CDH20: variants seen among roughly 807,000 people sequenced by gnomAD.
The protein encoded by CDH20 is cadherin-20.
A neutral mutation model predicts 74.2 loss-of-function variants in CDH20; 29 were observed. That is an observed-to-expected ratio of 0.39 (90% CI 0.29 to 0.53). The LOEUF is 0.53. Ranked by LOEUF, CDH20 falls within the 20% of genes least tolerant of loss-of-function variation. The pLI is 0.69. For synonymous variants in CDH20, 469 were observed against 405.4 expected, an observed-to-expected ratio of 1.16 and a Z score of -1.88; for missense variants, 988 against 1,048.3, an observed-to-expected ratio of 0.94 and a Z score of 0.79.
chr18:61,443,496 C>A (rs146764945), intron 1 of CDH20, among the ~76,000 whole-genome samples: 2 of 152,116 alleles, frequency 1.3e-5, no homozygotes, highest in African/African-American at 4.8e-5. Flanking sequence ...AGGCTGGATG[C>A]AGCCACATGG....
At chr18:61,543,507 A>G (rs1023007531) in intron 9 of CDH20, among the ~76,000 whole-genome samples, 10 of 89,298 alleles carry the variant, frequency 1.1e-4, no homozygotes, top group African/African-American at 3.7e-4. Flanking sequence ...TTTCTTTAAT[A>G]GCTTTTACAT....
At chr18:61,535,959 A>G (rs1212237572) in intron 7 of CDH20, among the ~76,000 whole-genome samples, 3 of 152,142 alleles carry the variant, frequency 2.0e-5, no homozygotes, top group Admixed American at 6.5e-5. Context: ...TAGCAAATAC[A>G]TTACCATTAT....
At chr18:61,453,481 A>C (rs568784791) in intron 1 of CDH20, among the ~76,000 whole-genome samples, 61 of 152,192 alleles carry the variant, frequency 4.0e-4, no homozygotes, top group South Asian at 1.7e-3. Flanking sequence ...GGGTTTCACC[A>C]TGTTGACCAG....
At chr18:61,482,710 G>T (rs1450401029) in intron 1 of CDH20, among the ~76,000 whole-genome samples, 1 of 141,136 alleles carries the variant, frequency 7.1e-6, no homozygotes, top group Non-Finnish European at 1.5e-5. Flanking sequence ...GCCCAGGCTG[G>T]TCTTCAACTC....
chr18:61,555,007 A>T lies in CDH20; in HGVS notation c.*312A>T. 1 of 1,193,314 alleles carries T rather than the reference A, an allele frequency of 8.4e-7. No homozygotes were observed. Among genetic ancestry groups the T allele is most frequent in the Non-Finnish European group, 1.0e-6 (1 of 958,996 alleles). 73.9% of individuals were successfully genotyped at this position (1,193,314 alleles called of 1,614,324 possible). ...GGGTGGCTTTTCTCTGCCATTCGCTAAGGCCTTTGTCACTTTTCCACCACA... is the reference window on the plus strand; with the variant it reads ...GGGTGGCTTTTCTCTGCCATTCGCTTAGGCCTTTGTCACTTTTCCACCACA... On this transcript the variant is annotated 3_prime_UTR_variant, in exon 12 of 12. Transcript: ENST00000262717.
At position 61,358,133 on chromosome 18, in the gene CDH20, G is replaced by A. The variant is rs561822429; in HGVS notation, c.-153+24306G>A. ...TATTGTTCCTTTTTTTTTTTTTTTCGAGATGGAGTCTTGCTGTGACGCCCA... is the reference window on the plus strand; with the variant it reads ...TATTGTTCCTTTTTTTTTTTTTTTCAAGATGGAGTCTTGCTGTGACGCCCA... On this transcript the variant is annotated intron_variant, in intron 1 of 11. Coordinates refer to ENST00000262717, the MANE Select transcript of CDH20 (RefSeq NM_031891.4). Among the ~76,000 whole-genome samples, 117 of 134,430 alleles carry A rather than the reference G, an allele frequency of 8.7e-4. 2 individuals carry two copies. The highest frequency in any genetic ancestry group is 2.6e-3 in the Admixed American group (33 of 12,870). The allele number at this position is 134,430 out of a possible 152,430, so 88.2% of individuals were successfully genotyped here.
At chr18:61,343,467 G>A (rs191289219) in intron 1 of CDH20, among the ~76,000 whole-genome samples, 32 of 152,232 alleles carry the variant, frequency 2.1e-4, no homozygotes, top group Middle Eastern at 3.4e-3. Flanking sequence ...ACCCAAGACC[G>A]CTCTGCTGGA....
At chr18:61,494,610 CT>C (rs1911068399) in intron 2 of CDH20, among the ~76,000 whole-genome samples, 2 of 152,150 alleles carry the variant, frequency 1.3e-5, no homozygotes, top group East Asian at 3.9e-4. Flanking sequence ...CGACCTTGAG[CT>C]CCGGAAGATG....
At position 61,377,467 on chromosome 18, in the gene CDH20, A is replaced by C. The variant is rs191038044; in HGVS notation, c.-153+43640A>C. Among the ~76,000 whole-genome samples the C allele has an allele frequency of 1.9e-3, 295 of 152,016 alleles. 1 individual carries two copies. The highest frequency in any genetic ancestry group is 6.8e-3 in the African/African-American group (284 of 41,472). Reference sequence around the variant, plus strand: ...GGTTTCATCAGACACGCGAAGCCTCATAAGTGGCCAGCCTCTTAGCCTTCC... The same window carrying C: ...GGTTTCATCAGACACGCGAAGCCTCCTAAGTGGCCAGCCTCTTAGCCTTCC... On this transcript the variant is annotated intron_variant, in intron 1 of 11. Coordinates refer to ENST00000262717, the MANE Select transcript of CDH20 (RefSeq NM_031891.4).
chr18:61,528,104 G>A lies in CDH20; in HGVS notation c.1155G>A (p.Glu385=). The change falls in exon 7 of 12, where the codon GAG becomes GAA. Residue 385 remains glutamate, a synonymous_variant. Coordinates refer to ENST00000262717, the MANE Select transcript of CDH20 (RefSeq NM_031891.4). ...TVHISVEDVD[E]PPVFEPGFYF... is the part of the protein sequence containing the mutation. ...ACATCAGTGTGGAAGACGTGGACGAGCCCCCTGTGTTTGAACCTGGCTTTT... is the reference window on the plus strand; with the variant it reads ...ACATCAGTGTGGAAGACGTGGACGAACCCCCTGTGTTTGAACCTGGCTTTT... The A allele has an allele frequency of 6.2e-7, 1 of 1,614,128 alleles. No individual in the cohort carries two copies. Among genetic ancestry groups the A allele is most frequent in the Non-Finnish European group, 8.5e-7 (1 of 1,180,016 alleles).
At chr18:61,396,907 C>T (rs557360919) in intron 1 of CDH20, among the ~76,000 whole-genome samples, 2 of 152,306 alleles carry the variant, frequency 1.3e-5, no homozygotes, top group African/African-American at 4.8e-5. Flanking sequence ...CACACACAGT[C>T]TCCTCTGAGA....
intron 1 of CDH20, among the ~76,000 whole-genome samples, chr18:61,380,103 A>T (rs1168723995): frequency 6.6e-6 from 1 of 152,196 alleles, no homozygotes; most frequent in African/African-American, 2.4e-5. Context: ...ACTGTGGGTT[A>T]GGGAAGTACT....
chr18:61,497,360 G>A (rs190014471), intron 2 of CDH20, among the ~76,000 whole-genome samples: 228 of 152,226 alleles, frequency 1.5e-3, no homozygotes, highest in African/African-American at 5.4e-3. Flanking sequence ...CATCCCTGTC[G>A]GAGGCTGTTG....
At chr18:61,474,505 G>A (rs779800289) in intron 1 of CDH20, among the ~76,000 whole-genome samples, 2 of 152,082 alleles carry the variant, frequency 1.3e-5, no homozygotes, top group Non-Finnish European at 2.9e-5. Context: ...CTCAGAAACT[G>A]ACAACTTCTG....
intron 1 of CDH20, chr18:61,404,846 A>G (rs1412560225): frequency 2.6e-6 from 1 of 382,014 alleles, no homozygotes; most frequent in African/African-American, 2.2e-5. Context: ...TTAAAGGGAA[A>G]TTTTGCATGG....
At chr18:61,438,617 AG>A (rs1471068497) in intron 1 of CDH20, among the ~76,000 whole-genome samples, 1 of 152,184 alleles carries the variant, frequency 6.6e-6, no homozygotes, top group Non-Finnish European at 1.5e-5. Context: ...GATGCTGGTG[AG>A]GCTATGGAGA....
chr18:61,355,298 A>C (rs1910463037), intron 1 of CDH20, among the ~76,000 whole-genome samples: 2 of 152,244 alleles, frequency 1.3e-5, no homozygotes, highest in South Asian at 4.1e-4. Flanking sequence ...ACACTAGGAA[A>C]TAAAATTATT....
Position 61,536,542 on chromosome 18 carries a change from A to G in CDH20, c.1321A>G (p.Ile441Val), listed in dbSNP as rs1426112921. 4 of 1,613,556 alleles carry G rather than the reference A, an allele frequency of 2.5e-6. No individual in the cohort carries two copies. The highest frequency in any genetic ancestry group is 3.3e-5 in the Admixed American group (2 of 60,010). ...CCCTGGAAGATTTTTCTATGTTGAC[A>G]TTACAACAGGTGCCCTAATGACAGC... ...SDPGRFFYVD[I>V]TTGALMTARP... is the part of the protein sequence containing the mutation. Residue 441 changes from isoleucine (I) to valine (V), a missense_variant, in exon 8 of 12, where the codon ATT becomes GTT. Physicochemically the swap from Ile to Val is conservative, Grantham distance 29. Coordinates refer to ENST00000262717, the MANE Select transcript of CDH20 (RefSeq NM_031891.4).
chr18:61,549,951 CA>C lies in CDH20; in HGVS notation c.1649-25del, dbSNP rs776128820. On this transcript the variant is annotated intron_variant, in intron 10 of 11. Coordinates refer to ENST00000262717, the MANE Select transcript of CDH20 (RefSeq NM_031891.4). ...AGAAATTAATTCACCTTCCCTTTTC[CA>C]ATCCTGGAACCCCTCCTTCTTTCAG... is the stretch of plus-strand genomic sequence containing the variant. 2.5e-6 allele frequency: 4 copies of C among 1,599,902 alleles called. No individual in the cohort carries two copies. In the Admixed American group the frequency reaches 6.7e-5, roughly 27 times the overall value.
Sources: allele counts gnomAD v4.1 joint callset (sites outside exome capture counted in the v4.1 genomes callset), GRCh38; gene constraint gnomAD v4.1.1; transcripts MANE v1.5; gene names NCBI Gene and HGNC (gene_info 2026-07-23, HGNC 2026-07-21).